Variants in KLRG1 observed in about 807,000 individuals in gnomAD.
KLRG1 encodes killer cell lectin-like receptor subfamily G member 1.
A neutral mutation model predicts 21.8 loss-of-function variants in KLRG1; 16 were observed. The observed-to-expected ratio is 0.73, with a 90% CI of 0.50 to 1.11. The LOEUF is 1.11. Ranked by LOEUF, KLRG1 falls within the 50% of genes most tolerant of loss-of-function variation. KLRG1 has a pLI of 0.00. For missense variants in KLRG1, 173 were observed against 218.3 expected, an observed-to-expected ratio of 0.79 and a Z score of 1.31; for synonymous variants, 69 against 75.9, an observed-to-expected ratio of 0.91 and a Z score of 0.47.
chr12:9,101,292 C>T, the KLRG1 span: 2 of 1,430,804 alleles, frequency 1.4e-6, no homozygotes, highest in African/African-American at 1.4e-5. Context: ...TTTATTGAGT[C>T]CCTGCCGGCA....
the KLRG1 span, among the ~76,000 whole-genome samples, chr12:9,183,079 G>A: frequency 6.6e-6 from 1 of 152,170 alleles, no homozygotes; most frequent in African/African-American, 2.4e-5. Context: ...AGGACAATTA[G>A]AATTGTAGAA....
chr12:8,979,894 C>CT (rs962391756), intron 1 of KLRG1, among the ~76,000 whole-genome samples: 1 of 151,780 alleles, frequency 6.6e-6, no homozygotes, highest in African/African-American at 2.4e-5. Flanking sequence ...ATAATTTCTG[C>CT]TTTTTTTGTT....
the KLRG1 span, among the ~76,000 whole-genome samples, chr12:9,186,101 T>C: frequency 1.3e-5 from 2 of 152,174 alleles, no homozygotes; most frequent in South Asian, 4.2e-4. Context: ...CCACTGCACC[T>C]GGCCAACATT....
the KLRG1 span, among the ~76,000 whole-genome samples, chr12:9,192,030 G>A: frequency 2.0e-5 from 3 of 152,268 alleles, no homozygotes; most frequent in African/African-American, 7.2e-5. Context: ...TCTGTTGACT[G>A]TTGAATTTTA....
At chr12:8,972,788 A>T (rs11048354) in intron 1 of KLRG1, among the ~76,000 whole-genome samples, 10,640 of 152,016 alleles carry the variant, frequency 0.07, 640 homozygotes, top group African/African-American at 0.16. Flanking sequence ...TACTTTGGCT[A>T]TTTGGGGTCT....
the KLRG1 span, chr12:9,065,162 C>CGT: frequency 2.6e-5 from 3 of 116,204 alleles, 1 homozygote; most frequent in African/African-American, 9.5e-5. Context: ...CCCCCCCCCC[C>CGT]CCCCCGCCCC....
chr12:9,169,015 TAGAATATA>T, the KLRG1 span: 1 of 1,390,940 alleles, frequency 7.2e-7, no homozygotes, highest in African/African-American at 1.4e-5. Context: ...TAAGCTTGAT[TAGAATATA>T]TAAAACATAT....
At chr12:9,009,397 A>G (rs372165804) in intron 4 of KLRG1, 29 bp from the exon 5 acceptor site, 1 of 1,612,934 alleles carries the variant, frequency 6.2e-7, no homozygotes, top group African/African-American at 1.3e-5. Context: ...ATGCGGCCTT[A>G]AGTGATTGAC....
chr12:9,168,941 T>G, the KLRG1 span: 2 of 1,613,964 alleles, frequency 1.2e-6, no homozygotes, highest in African/African-American at 2.7e-5. Context: ...GGTTTTCGGA[T>G]TTTTGAGTTA....
intron 1 of KLRG1, among the ~76,000 whole-genome samples, chr12:8,989,951 A>G (rs1946918413): frequency 6.6e-6 from 1 of 152,234 alleles, no homozygotes; most frequent in Non-Finnish European, 1.5e-5. Context: ...CTTTGATCGC[A>G]TCTTAGAAAC....
chr12:8,981,324 C>CT (rs1249107979), intron 1 of KLRG1, among the ~76,000 whole-genome samples: 3 of 151,890 alleles, frequency 2.0e-5, no homozygotes, highest in Non-Finnish European at 4.4e-5. Flanking sequence ...ATTTACTCTT[C>CT]TTTTTTTAAC....
At chr12:9,093,808 C>A in the KLRG1 span, among the ~76,000 whole-genome samples, 4 of 151,984 alleles carry the variant, frequency 2.6e-5, no homozygotes, top group Non-Finnish European at 5.9e-5. Context: ...TGCCTGTAAT[C>A]CCAGCACTTT....
the KLRG1 span, among the ~76,000 whole-genome samples, chr12:9,100,109 C>CA: frequency 6.6e-6 from 1 of 152,074 alleles, no homozygotes; most frequent in Non-Finnish European, 1.5e-5. Context: ...GAGCAACCTT[C>CA]AAAGGTTTAT....
chr12:9,210,593 G>A, the KLRG1 span, among the ~76,000 whole-genome samples: 5 of 152,214 alleles, frequency 3.3e-5, no homozygotes, highest in Admixed American at 3.3e-4. Flanking sequence ...CACAGTCTTT[G>A]CTTTTCAATA....
At chr12:9,146,467 T>C in the KLRG1 span, among the ~76,000 whole-genome samples, 1 of 152,194 alleles carries the variant, frequency 6.6e-6, no homozygotes, top group African/African-American at 2.4e-5. Context: ...TTTTGAATTC[T>C]CCATAAAGTA....
the KLRG1 span, among the ~76,000 whole-genome samples, chr12:9,032,127 C>T: frequency 5.5e-4 from 83 of 152,278 alleles, no homozygotes; most frequent in African/African-American, 2.0e-3. Context: ...AGAAGCTCAC[C>T]TATGATTAAT....
chr12:9,120,852 C>CGTGTGTGT, the KLRG1 span, among the ~76,000 whole-genome samples: 8,273 of 143,286 alleles, frequency 0.058, 460 homozygotes, highest in East Asian at 0.21. Context: ...ATCCCACTAA[C>CGTGTGTGT]GTGTGTGTGT....
upstream of KLRG1, among the ~76,000 whole-genome samples, chr12:8,986,325 T>G (rs548502285): frequency 2.2e-4 from 33 of 152,310 alleles, no homozygotes; most frequent in Non-Finnish European, 4.1e-4. Flanking sequence ...AGTGAGTCTC[T>G]TATCCCTGAC....
At chr12:9,062,275 A>T in the KLRG1 span, among the ~76,000 whole-genome samples, 5 of 94,858 alleles carry the variant, frequency 5.3e-5, 1 homozygote, top group Admixed American at 2.3e-4. Context: ...ATAAAAAATC[A>T]CCTGACACAA....
Sources: gnomAD v4.1 joint callset for allele counts (sites outside exome capture counted in the v4.1 genomes callset) on GRCh38, gnomAD v4.1.1 for gene constraint, MANE v1.5 for transcripts, NCBI Gene and HGNC (gene_info 2026-07-23, HGNC 2026-07-21) for gene names.